The following PLCH1 variants were observed in gnomAD, a reference collection of about 807,000 sequenced individuals.
PLCH1 encodes 1-phosphatidylinositol 4,5-bisphosphate phosphodiesterase eta-1.
Under a neutral mutation model 126.7 loss-of-function variants are expected in PLCH1, and 60 were observed. That is an observed-to-expected ratio of 0.47 (90% confidence interval 0.38 to 0.59). The LOEUF is 0.59. Among genes scored for constraint, PLCH1 ranks in the 20% least tolerant of loss-of-function variants. PLCH1 has a pLI of 0.00. For synonymous variants in PLCH1, 719 were observed against 734.9 expected (o/e 0.98, Z 0.35); for missense variants, 1,723 against 2,040.0 (o/e 0.84, Z 2.99).
At chr3:155,515,913 T>C (rs533311811) in intron 11 of PLCH1, among the ~76,000 whole-genome samples, 3 of 152,366 alleles carry the variant, frequency 2.0e-5, no homozygotes, top group East Asian at 3.9e-4. Flanking sequence ...GGTCATTATA[T>C]GTGGACTCTG....
At chr3:155,591,789 C>A (rs1222337653) in intron 4 of PLCH1, among the ~76,000 whole-genome samples, 1 of 152,106 alleles carries the variant, frequency 6.6e-6, no homozygotes, top group Non-Finnish European at 1.5e-5. Flanking sequence ...ACCGCTGCCT[C>A]CAACTCCTGG....
In PLCH1 at chr3:155,664,274, T is replaced by C. The variant is rs368308275; in HGVS notation, c.79+39872A>G. ...CACCCTAGTGGAAAAGCATCTTTCC[T>C]ACTGAAATTACCTTCCAGCTGCATA... On this transcript the variant is annotated intron_variant, in intron 2 of 22. Transcript: ENST00000460012. 1.7e-4 allele frequency among the ~76,000 whole-genome samples: 26 copies of C among 152,332 alleles called. No homozygotes were observed. The East Asian group carries it at 4.6e-3, about 27-fold the overall frequency.
intron 2 of PLCH1, among the ~76,000 whole-genome samples, chr3:155,693,471 CAA>C (rs1227159940): frequency 9.7e-5 from 1 of 10,354 alleles, no homozygotes; most frequent in Non-Finnish European, 1.3e-4. Flanking sequence ...GACTCCGTCT[CAA>C]AAAAAAAAAA....
intron 2 of PLCH1, among the ~76,000 whole-genome samples, chr3:155,631,427 C>T (rs563646610): frequency 1.3e-5 from 2 of 152,136 alleles, no homozygotes; most frequent in East Asian, 1.9e-4. Flanking sequence ...TGTCAACATC[C>T]GGGAGATGTA....
chr3:155,669,915 C>G (rs944139280), intron 2 of PLCH1, among the ~76,000 whole-genome samples: 5 of 152,120 alleles, frequency 3.3e-5, no homozygotes, highest in Non-Finnish European at 5.9e-5. Flanking sequence ...TTTATGAGAC[C>G]TACATCAATG....
intron 1 of PLCH1, among the ~76,000 whole-genome samples, chr3:155,705,360 C>T (rs432424): frequency 6.6e-6 from 1 of 152,182 alleles, no homozygotes; most frequent in African/African-American, 2.4e-5. Flanking sequence ...TCCTGCCTAT[C>T]CTGCCTTTTC....
intron 4 of PLCH1, among the ~76,000 whole-genome samples, chr3:155,588,023 T>C (rs1484900684): frequency 1.3e-5 from 2 of 152,084 alleles, no homozygotes; most frequent in African/African-American, 2.4e-5. Flanking sequence ...TGAATGTATA[T>C]CAGAGGAGAG....
At position 155,480,903 on chromosome 3, in the gene PLCH1, T is replaced by C; in HGVS notation, c.*65A>G. ...AATCATTCCAAAGCCAAGGAACTTA[T>C]TTACTGAAAACTCTGACATTCTACA... On this transcript the variant is annotated 3_prime_UTR_variant, in exon 23 of 23. Transcript: ENST00000460012. 2.3e-6 allele frequency: 3 copies of C among 1,325,670 alleles called. No individual in the cohort carries two copies. The highest frequency in any genetic ancestry group is 3.1e-6 in the Non-Finnish European group (3 of 971,548). The allele number at this position is 1,325,670 out of a possible 1,614,324, so 82.1% of individuals were successfully genotyped here.
chr3:155,684,002 G>T (rs151256786), intron 2 of PLCH1, among the ~76,000 whole-genome samples: 4 of 152,122 alleles, frequency 2.6e-5, no homozygotes, highest in Admixed American at 6.5e-5. Flanking sequence ...ACACTTGGAC[G>T]TACCTGATAT....
intron 2 of PLCH1, among the ~76,000 whole-genome samples, chr3:155,664,007 A>T (rs2108953337): frequency 6.6e-6 from 1 of 152,174 alleles, no homozygotes; most frequent in South Asian, 2.1e-4. Flanking sequence ...TCTGCCTTTT[A>T]CTCCCTGCTA....
chr3:155,716,707 C>T (rs919561339), intron 1 of PLCH1, among the ~76,000 whole-genome samples: 13 of 152,288 alleles, frequency 8.5e-5, no homozygotes, highest in African/African-American at 2.9e-4. Context: ...ACACCTCCCA[C>T]CAGGCCCCAA....
intron 2 of PLCH1, among the ~76,000 whole-genome samples, chr3:155,606,879 T>C (rs2108706552): frequency 6.6e-6 from 1 of 152,364 alleles, no homozygotes; most frequent in Admixed American, 6.5e-5. Context: ...TCCCTGGTGA[T>C]CTGTTTTACC....
chr3:155,633,900 C>G (rs758071855), intron 2 of PLCH1, among the ~76,000 whole-genome samples: 3 of 152,078 alleles, frequency 2.0e-5, no homozygotes, highest in Non-Finnish European at 4.4e-5. Flanking sequence ...AGCAACAGAG[C>G]GAGACTCTGT....
intron 10 of PLCH1, among the ~76,000 whole-genome samples, chr3:155,527,778 G>A (rs1397092167): frequency 6.6e-6 from 1 of 151,958 alleles, no homozygotes; most frequent in African/African-American, 2.4e-5. Flanking sequence ...AAATTAGCCA[G>A]GCGTGGTGGT....
intron 10 of PLCH1, among the ~76,000 whole-genome samples, chr3:155,527,015 A>G (rs1040601374): frequency 2.6e-5 from 4 of 152,266 alleles, no homozygotes; most frequent in Non-Finnish European, 4.4e-5. Context: ...AGCTGCCAGC[A>G]TGTCCACCCT....
chr3:155,452,553 G>A (rs1238411928), intron 21 of PLCH1, among the ~76,000 whole-genome samples: 1 of 152,118 alleles, frequency 6.6e-6, no homozygotes, highest in Admixed American at 6.6e-5. Context: ...AGTAAAAAGA[G>A]CACTGTTAGT....
At chr3:155,701,584 A>T (rs971067091) in intron 2 of PLCH1, among the ~76,000 whole-genome samples, 1 of 152,164 alleles carries the variant, frequency 6.6e-6, no homozygotes, top group Non-Finnish European at 1.5e-5. Context: ...ATGTAAGGAG[A>T]GTTATCAACA....
chr3:155,564,377 C>T (rs560012167), intron 8 of PLCH1, among the ~76,000 whole-genome samples: 1 of 152,216 alleles, frequency 6.6e-6, no homozygotes, highest in South Asian at 2.1e-4. Flanking sequence ...TCCTGGCCAA[C>T]ATGGTGAAAC....
chr3:155,672,628 T>C (rs1743632977), intron 2 of PLCH1, among the ~76,000 whole-genome samples: 1 of 152,216 alleles, frequency 6.6e-6, no homozygotes, highest in Non-Finnish European at 1.5e-5. Flanking sequence ...AATAGGATAC[T>C]CATAATTAGG....
Sources: gnomAD v4.1 joint callset for allele counts (sites outside exome capture counted in the v4.1 genomes callset) on GRCh38, gnomAD v4.1.1 for gene constraint, MANE v1.5 for transcripts, NCBI Gene and HGNC (gene_info 2026-07-23, HGNC 2026-07-21) for gene names.